BBS9: variants seen among roughly 807,000 people sequenced by gnomAD.
BBS9 encodes the protein Bardet-Biedl syndrome 9, also known as protein PTHB1.
Under a neutral mutation model 117.7 loss-of-function variants are expected in BBS9, and 89 were observed. The ratio of observed to expected loss-of-function variants is 0.76; its 90% CI spans 0.64 to 0.90. The LOEUF is 0.90. BBS9 is among the 40% of genes least tolerant of loss of function. The probability of loss-of-function intolerance (pLI) is 0.00; values close to 1 mark genes in which losing one functional copy is unlikely to be tolerated. For missense variants in BBS9, 982 were observed against 1,042.2 expected (o/e 0.94, Z 0.80); for synonymous variants, 379 against 370.9 (o/e 1.02, Z -0.25).
chr7:33,459,930 T>C (rs1020173544), intron 19 of BBS9, among the ~76,000 whole-genome samples: 1 of 152,164 alleles, frequency 6.6e-6, no homozygotes, highest in South Asian at 2.1e-4. Flanking sequence ...CCAAGTAATA[T>C]TGAAATTCAA....
At chr7:33,635,228 C>T (rs1465766502) in exon 22 of BBS9, among the ~76,000 whole-genome samples, 1 of 26,620 alleles carries the variant, frequency 3.8e-5, no homozygotes, top group Non-Finnish European at 2.4e-4. Flanking sequence ...ATACCCCACT[C>T]CCTGAGCCAG....
At chr7:33,616,029 C>A (rs1865112598) in intron 21 of BBS9, among the ~76,000 whole-genome samples, 1 of 151,678 alleles carries the variant, frequency 6.6e-6, no homozygotes, top group African/African-American at 2.4e-5. Context: ...AGCAGACCAG[C>A]CTTGCAAGAA....
At chr7:33,240,367 C>T (rs534270305) in intron 5 of BBS9, among the ~76,000 whole-genome samples, 20 of 151,792 alleles carry the variant, frequency 1.3e-4, no homozygotes, top group African/African-American at 4.6e-4. Context: ...AACTGATCCT[C>T]GCACCTTAGC....
chr7:33,268,361 T>G (rs552622715), intron 7 of BBS9, among the ~76,000 whole-genome samples: 4 of 152,164 alleles, frequency 2.6e-5, no homozygotes, highest in Non-Finnish European at 5.9e-5. Flanking sequence ...TGCTGTGGTT[T>G]CTCCAGACTC....
intron 21 of BBS9, among the ~76,000 whole-genome samples, chr7:33,582,072 A>T (rs1449439274): frequency 3.3e-5 from 5 of 151,784 alleles, no homozygotes; most frequent in Non-Finnish European, 5.9e-5. Flanking sequence ...TAAAATCATG[A>T]CTTGTCTTTT....
At chr7:33,247,662 C>T (rs183019461) in intron 5 of BBS9, among the ~76,000 whole-genome samples, 2 of 152,274 alleles carry the variant, frequency 1.3e-5, no homozygotes, top group East Asian at 3.9e-4. Context: ...ATTTAATTAA[C>T]TCCCATGTTC....
intron 21 of BBS9, among the ~76,000 whole-genome samples, chr7:33,634,467 T>C (rs1159027476): frequency 6.6e-6 from 1 of 152,216 alleles, no homozygotes; most frequent in Non-Finnish European, 1.5e-5. Flanking sequence ...AGGTTTAAAT[T>C]GAATGATAAG....
chr7:33,129,473 G>C (rs577625755), upstream of BBS9: 1 of 205,546 alleles, frequency 4.9e-6, no homozygotes, highest in East Asian at 1.1e-4. Context: ...GTCGGTCCCC[G>C]CCTTTGCGCC....
chr7:33,204,948 A>G (rs1302209698), intron 5 of BBS9, among the ~76,000 whole-genome samples: 2 of 152,188 alleles, frequency 1.3e-5, no homozygotes, highest in Non-Finnish European at 2.9e-5. Flanking sequence ...TTTTATACCC[A>G]AAAGGATTTA....
chr7:33,272,718 C>G (rs1163166929), intron 7 of BBS9, among the ~76,000 whole-genome samples: 2 of 151,980 alleles, frequency 1.3e-5, no homozygotes, highest in African/African-American at 4.8e-5. Context: ...AAATTAAGCA[C>G]AATATCATTT....
chr7:33,527,978 A>G (rs1849908108), intron 20 of BBS9, among the ~76,000 whole-genome samples: 1 of 152,134 alleles, frequency 6.6e-6, no homozygotes, highest in Non-Finnish European at 1.5e-5. Flanking sequence ...GTTTACAATA[A>G]CCCATTATAC....
At chr7:33,225,041 A>G (rs925860156) in intron 5 of BBS9, among the ~76,000 whole-genome samples, 1 of 152,228 alleles carries the variant, frequency 6.6e-6, no homozygotes. Context: ...GAAAGGCAGA[A>G]TAAATGCTTT....
At chr7:33,238,313 G>A (rs1323381063) in intron 5 of BBS9, among the ~76,000 whole-genome samples, 2 of 151,546 alleles carry the variant, frequency 1.3e-5, no homozygotes, top group Non-Finnish European at 2.9e-5. Context: ...TTTTTGAGAC[G>A]GAGTTTCGCT....
chr7:33,555,309 C>G (rs1175412093), intron 21 of BBS9, among the ~76,000 whole-genome samples: 1 of 152,200 alleles, frequency 6.6e-6, no homozygotes, highest in Non-Finnish European at 1.5e-5. Context: ...ATCTTGAACA[C>G]TTAACTACAT....
At chr7:33,560,234 C>T (rs1286836987) in intron 21 of BBS9, among the ~76,000 whole-genome samples, 1 of 152,148 alleles carries the variant, frequency 6.6e-6, no homozygotes, top group African/African-American at 2.4e-5. Flanking sequence ...TATCTCTTTC[C>T]TGGCCCTGAA....
intron 20 of BBS9, among the ~76,000 whole-genome samples, chr7:33,525,911 G>A (rs1292357532): frequency 7.9e-5 from 12 of 151,546 alleles, no homozygotes; most frequent in African/African-American, 1.7e-4. Flanking sequence ...CATGTTTAGC[G>A]CTTCCTTCCG....
intron 6 of BBS9, among the ~76,000 whole-genome samples, chr7:33,257,929 G>A (rs1477347210): frequency 6.6e-6 from 1 of 152,124 alleles, no homozygotes; most frequent in Admixed American, 6.5e-5. Context: ...TTTTTTAGAA[G>A]AACAATTCAT....
At chr7:33,568,303 C>A (rs1387497722) in intron 21 of BBS9, among the ~76,000 whole-genome samples, 1 of 152,120 alleles carries the variant, frequency 6.6e-6, no homozygotes, top group Admixed American at 6.6e-5. Flanking sequence ...TTCTAATTGA[C>A]TTAATTTCTC....
intron 19 of BBS9, among the ~76,000 whole-genome samples, chr7:33,441,554 A>G (rs950953202): frequency 1.3e-5 from 2 of 152,198 alleles, no homozygotes; most frequent in Non-Finnish European, 2.9e-5. Context: ...CTATTTCTTT[A>G]GAATGTTCTT....
Sources: gnomAD v4.1 joint callset for allele counts (sites outside exome capture counted in the v4.1 genomes callset) on GRCh38, gnomAD v4.1.1 for gene constraint, MANE v1.5 for transcripts, NCBI Gene and HGNC (gene_info 2026-07-23, HGNC 2026-07-21) for gene names.